The following WDR7 variants were observed in gnomAD, a reference collection of about 807,000 sequenced individuals.
WDR7 encodes the protein WD repeat domain 7, also known as WD repeat-containing protein 7.
A neutral mutation model predicts 169.4 loss-of-function variants in WDR7; 46 were observed. That is an observed-to-expected ratio of 0.27 (90% CI 0.21 to 0.35). WDR7 has a LOEUF of 0.35. Ranked by LOEUF, WDR7 falls within the 10% of genes least tolerant of loss-of-function variation. The pLI, the probability that WDR7 is intolerant of heterozygous loss-of-function variation, is 1.00. For missense variants in WDR7, 1,534 were observed against 1,859.3 expected (o/e 0.83, Z 3.22); for synonymous variants, 612 against 666.8 (o/e 0.92, Z 1.27).
intron 25 of WDR7, among the ~76,000 whole-genome samples, chr18:56,958,423 G>T (rs983777397): frequency 1.3e-5 from 2 of 151,986 alleles, no homozygotes; most frequent in Admixed American, 6.6e-5. Flanking sequence ...ATTGAAATTT[G>T]TGTGTGCTAA....
chr18:56,872,029 G>A (rs2045959876), intron 20 of WDR7, among the ~76,000 whole-genome samples: 1 of 151,816 alleles, frequency 6.6e-6, no homozygotes. Context: ...GTAAATTGGT[G>A]GTATCTACTT....
chr18:56,743,596 C>T (rs1419433317), intron 14 of WDR7, among the ~76,000 whole-genome samples: 1 of 152,146 alleles, frequency 6.6e-6, no homozygotes, highest in African/African-American at 2.4e-5. Flanking sequence ...TTTTTAAGAA[C>T]TGTCTTCCCA....
chr18:56,771,071 A>G (rs1034463814), intron 16 of WDR7, among the ~76,000 whole-genome samples: 1 of 152,218 alleles, frequency 6.6e-6, no homozygotes. Flanking sequence ...AATTATGTCC[A>G]TATTGCCCAA....
intron 21 of WDR7, among the ~76,000 whole-genome samples, chr18:56,921,924 C>G (rs1036987137): frequency 1.3e-5 from 2 of 152,064 alleles, no homozygotes; most frequent in African/African-American, 2.4e-5. Context: ...GTAATGAATA[C>G]AAAAATGGTA....
intron 16 of WDR7, among the ~76,000 whole-genome samples, chr18:56,769,587 T>C (rs926683478): frequency 1.3e-5 from 2 of 152,224 alleles, no homozygotes; most frequent in Admixed American, 6.5e-5. Context: ...TTATCTTGAT[T>C]GTGACCATAT....
At chr18:56,985,799 A>G (rs541153433) in intron 26 of WDR7, among the ~76,000 whole-genome samples, 1 of 152,254 alleles carries the variant, frequency 6.6e-6, no homozygotes, top group African/African-American at 2.4e-5. Context: ...ATAGCATGTC[A>G]AAAGGAGCTC....
At chr18:56,856,279 A>G (rs1468541445) in intron 20 of WDR7, among the ~76,000 whole-genome samples, 1 of 152,224 alleles carries the variant, frequency 6.6e-6, no homozygotes, top group African/African-American at 2.4e-5. Context: ...CACGCCTGTA[A>G]TCCCAGCACT....
intron 11 of WDR7, 123 bp downstream of exon 11, chr18:56,695,321 T>C: frequency 2.4e-6 from 3 of 1,272,622 alleles, no homozygotes; most frequent in Non-Finnish European, 3.2e-6. Context: ...GTTGGGGTGC[T>C]ATGTAGTTGG....
chr18:56,765,641 GA>G (rs1247127571), intron 16 of WDR7, among the ~76,000 whole-genome samples: 2 of 152,088 alleles, frequency 1.3e-5, no homozygotes, highest in Non-Finnish European at 2.9e-5. Flanking sequence ...ATATTTTAAA[GA>G]GACTGAAATA....
chr18:56,805,547 T>C (rs959283700), intron 19 of WDR7, among the ~76,000 whole-genome samples: 1 of 152,210 alleles, frequency 6.6e-6, no homozygotes, highest in Non-Finnish European at 1.5e-5. Flanking sequence ...TGATTGACAC[T>C]ACATTAAACT....
intron 20 of WDR7, among the ~76,000 whole-genome samples, chr18:56,830,508 C>T (rs2045290226): frequency 2.0e-5 from 3 of 152,182 alleles, no homozygotes; most frequent in Admixed American, 1.3e-4. Context: ...TAAGAAAATT[C>T]CGGCCATACA....
chr18:57,017,898 G>A (rs929653411), intron 26 of WDR7, among the ~76,000 whole-genome samples: 3 of 152,166 alleles, frequency 2.0e-5, no homozygotes, highest in Non-Finnish European at 4.4e-5. Flanking sequence ...TACCCTTCAC[G>A]TGGATGTTTT....
At chr18:56,866,420 G>A (rs1241399562) in intron 20 of WDR7, among the ~76,000 whole-genome samples, 4 of 151,684 alleles carry the variant, frequency 2.6e-5, no homozygotes, top group South Asian at 2.1e-4. Flanking sequence ...GTATTAGGAG[G>A]TATATGAATC....
intron 20 of WDR7, among the ~76,000 whole-genome samples, chr18:56,877,648 G>T (rs1358959210): frequency 1.3e-5 from 2 of 152,114 alleles, no homozygotes; most frequent in Non-Finnish European, 2.9e-5. Context: ...TTATCTGTTG[G>T]TGTTATCTAT....
chr18:56,707,545 T>C (rs2025987842), intron 12 of WDR7, among the ~76,000 whole-genome samples: 1 of 152,174 alleles, frequency 6.6e-6, no homozygotes, highest in Non-Finnish European at 1.5e-5. Flanking sequence ...TACCATTCTT[T>C]CCTGCTCATT....
intron 14 of WDR7, among the ~76,000 whole-genome samples, chr18:56,739,439 C>T (rs1340018616): frequency 6.6e-6 from 1 of 152,100 alleles, no homozygotes; most frequent in Non-Finnish European, 1.5e-5. Context: ...AGTTGCCATG[C>T]ATTGTAACTT....
At chr18:56,931,252 C>G (rs1205049517) in intron 22 of WDR7, among the ~76,000 whole-genome samples, 1 of 152,142 alleles carries the variant, frequency 6.6e-6, no homozygotes, top group Non-Finnish European at 1.5e-5. Context: ...ACTGCAGTTT[C>G]CAGAATAAGG....
chr18:56,788,878 T>C (rs2044442775), intron 19 of WDR7, among the ~76,000 whole-genome samples: 1 of 152,326 alleles, frequency 6.6e-6, no homozygotes, highest in East Asian at 1.9e-4. Context: ...CTGAGTGATA[T>C]ATATGAAAAC....
chr18:56,719,945 G>A (rs956999447), intron 13 of WDR7, among the ~76,000 whole-genome samples: 1 of 152,174 alleles, frequency 6.6e-6, no homozygotes, highest in Non-Finnish European at 1.5e-5. Flanking sequence ...GTGTATGTGT[G>A]TGCAATTGTA....
Sources: gnomAD v4.1 joint callset for allele counts (sites outside exome capture counted in the v4.1 genomes callset) on GRCh38, gnomAD v4.1.1 for gene constraint, MANE v1.5 for transcripts, NCBI Gene and HGNC (gene_info 2026-07-23, HGNC 2026-07-21) for gene names.